Variants in SPRED2 observed in about 807,000 individuals in gnomAD.
SPRED2 encodes the protein sprouty related EVH1 domain containing 2, also known as sprouty-related, EVH1 domain-containing protein 2.
Under a neutral mutation model 43.0 loss-of-function variants are expected in SPRED2, and 47 were observed. That is an observed-to-expected ratio of 1.09 (90% CI 0.87 to 1.40). The LOEUF (loss-of-function observed/expected upper bound fraction) is 1.40, where lower values mean the gene tolerates loss of function less well. Among genes scored for constraint, SPRED2 ranks in the 40% most tolerant of loss-of-function variants. The probability of loss-of-function intolerance (pLI) is 0.00; values close to 1 mark genes in which losing one functional copy is unlikely to be tolerated. For synonymous variants in SPRED2, 225 were observed against 225.7 expected (o/e 1.00, Z 0.03); for missense variants, 561 against 586.4 (o/e 0.96, Z 0.45).
At chr2:65,397,828 A>G (rs992126586) in intron 1 of SPRED2, among the ~76,000 whole-genome samples, 14 of 152,236 alleles carry the variant, frequency 9.2e-5, no homozygotes, top group Admixed American at 4.6e-4. Flanking sequence ...GCAATCTACA[A>G]ATTCAATGCA....
chr2:65,430,751 A>C (rs1676661802), intron 1 of SPRED2, among the ~76,000 whole-genome samples: 2 of 152,028 alleles, frequency 1.3e-5, no homozygotes, highest in African/African-American at 4.8e-5. Context: ...CGCCGCCGCT[A>C]CCTTGGCTAA....
At chr2:65,322,266 C>CTATA (rs1558649699) in intron 4 of SPRED2, among the ~76,000 whole-genome samples, 11 of 44,546 alleles carry the variant, frequency 2.5e-4, no homozygotes, top group Non-Finnish European at 4.1e-4. Flanking sequence ...CTCTCTCTCT[C>CTATA]TCTCTATATA....
rs1572862877 is a variant in SPRED2 at position 65,353,151 on chromosome 2, G to T, written c.27-8255C>A. On this transcript the variant is annotated intron_variant, in intron 1 of 5. Transcript: ENST00000356388. ...GTCCTGCTTATGTGCAGGAGCCTCAGAGGGGGTATAAATAGGTTTTCCTTC... is the reference window on the plus strand; with the variant it reads ...GTCCTGCTTATGTGCAGGAGCCTCATAGGGGGTATAAATAGGTTTTCCTTC... 2.6e-5 allele frequency among the ~76,000 whole-genome samples: 4 copies of T among 152,266 alleles called. 1 individual carries two copies. The highest frequency in any genetic ancestry group is 2.6e-4 in the Admixed American group (4 of 15,300).
chr2:65,318,664 T>A (rs892384821), intron 4 of SPRED2, among the ~76,000 whole-genome samples: 6 of 152,036 alleles, frequency 3.9e-5, no homozygotes, highest in Non-Finnish European at 5.9e-5. Context: ...ATATATATAT[T>A]TTTAAATGTA....
At chr2:65,389,890 A>G (rs900567413) in intron 1 of SPRED2, among the ~76,000 whole-genome samples, 2 of 152,244 alleles carry the variant, frequency 1.3e-5, no homozygotes, top group African/African-American at 4.8e-5. Flanking sequence ...AATGGAAAGT[A>G]AAGCAAGTTT....
chr2:65,338,907 G>T (rs1415746480), intron 2 of SPRED2, among the ~76,000 whole-genome samples: 1 of 148,376 alleles, frequency 6.7e-6, no homozygotes, highest in Non-Finnish European at 1.5e-5. Context: ...GTCTCTGCCC[G>T]GCAGCCCATC....
intron 1 of SPRED2, among the ~76,000 whole-genome samples, chr2:65,355,480 G>A (rs907613015): frequency 6.6e-6 from 1 of 152,118 alleles, no homozygotes; most frequent in African/African-American, 2.4e-5. Flanking sequence ...ACTTTGGGGG[G>A]ACGAGGCAGG....
In SPRED2 at chr2:65,338,677, G is replaced by GC. The variant is rs952704664; in HGVS notation, c.205-3905dup. The stretch of plus-strand genomic sequence containing the variant: ...CTCCACCTCCCAGCCGCCTGCCTTG[G>GC]CCCCCCAAAGTGCGGAGATTGCAGC... On this transcript the variant is annotated intron_variant, in intron 2 of 5. Transcript: ENST00000356388. 6.6e-5 allele frequency among the ~76,000 whole-genome samples: 10 copies of GC among 151,480 alleles called. 1 individual carries two copies. Among genetic ancestry groups the GC allele is most frequent in the South Asian group, 6.3e-4 (3 of 4,756 alleles).
intron 2 of SPRED2, among the ~76,000 whole-genome samples, chr2:65,343,324 CT>C (rs1194443810): frequency 1.3e-5 from 2 of 152,196 alleles, no homozygotes; most frequent in Admixed American, 1.3e-4. Flanking sequence ...TTAAAATTAG[CT>C]GTCTTCTCCC....
chr2:65,392,198 G>A (rs62139159), intron 1 of SPRED2, among the ~76,000 whole-genome samples: 2 of 108,132 alleles, frequency 1.8e-5, no homozygotes, highest in African/African-American at 7.0e-5. Flanking sequence ...TTTTTTTTTG[G>A]AGACAGGGTC....
chr2:65,418,516 A>G (rs963198769), intron 1 of SPRED2, among the ~76,000 whole-genome samples: 9 of 152,026 alleles, frequency 5.9e-5, no homozygotes, highest in South Asian at 2.1e-4. Context: ...TGGCTGGTGC[A>G]GTGATAAATA....
At chr2:65,330,127 C>T (rs1368292611) in intron 4 of SPRED2, among the ~76,000 whole-genome samples, 1 of 152,234 alleles carries the variant, frequency 6.6e-6, no homozygotes, top group Non-Finnish European at 1.5e-5. Flanking sequence ...CTACTTTTCA[C>T]AGTCTGTAAG....
At chr2:65,350,219 G>C (rs576929815) in intron 1 of SPRED2, among the ~76,000 whole-genome samples, 1 of 152,184 alleles carries the variant, frequency 6.6e-6, no homozygotes, top group Non-Finnish European at 1.5e-5. Context: ...TAGTGGTGGG[G>C]GGATGGGGCA....
chr2:65,318,288 C>T (rs956827169), intron 4 of SPRED2, among the ~76,000 whole-genome samples: 1 of 152,068 alleles, frequency 6.6e-6, no homozygotes, highest in Non-Finnish European at 1.5e-5. Flanking sequence ...GAAAATTGCC[C>T]GGTCTCCGGT....
chr2:65,322,296 T>TATATA lies in SPRED2; in HGVS notation c.439-5414_439-5413insTATAT, dbSNP rs1558649902. On this transcript the variant is annotated intron_variant, in intron 4 of 5. Coordinates refer to ENST00000356388, the MANE Select transcript of SPRED2 (RefSeq NM_181784.3). ...TATATATATATATATATATATATATTTTTTTTTTTTTTTTTGAGACGGAGT... is the reference window on the plus strand; with the variant it reads ...TATATATATATATATATATATATATTATATATTTTTTTTTTTTTTTGAGACGGAGT... Among the ~76,000 whole-genome samples, 62 of 106,434 alleles carry TATATA rather than the reference T, an allele frequency of 5.8e-4. 3 individuals carry two copies. Among genetic ancestry groups the TATATA allele is most frequent in the African/African-American group, 2.6e-3 (58 of 22,164 alleles). The allele number at this position is 106,434 out of a possible 152,430, so 69.8% of individuals were successfully genotyped here.
intron 1 of SPRED2, 48 bp from the exon 2 acceptor site, chr2:65,344,944 G>C: frequency 6.5e-7 from 1 of 1,546,664 alleles, no homozygotes; most frequent in Admixed American, 1.8e-5. Flanking sequence ...TGGTCTGGTA[G>C]TTGCAGAACA....
intron 4 of SPRED2, among the ~76,000 whole-genome samples, chr2:65,328,439 G>C (rs1273971979): frequency 6.6e-6 from 1 of 152,210 alleles, no homozygotes; most frequent in Non-Finnish European, 1.5e-5. Context: ...GGACAGCAGA[G>C]TGTGGAACTG....
At chr2:65,345,962 T>C (rs1217475238) in intron 1 of SPRED2, among the ~76,000 whole-genome samples, 2 of 152,254 alleles carry the variant, frequency 1.3e-5, no homozygotes, top group Non-Finnish European at 2.9e-5. Context: ...TTTCTTTGGA[T>C]AGAATTCATT....
chr2:65,383,485 ATTAC>A (rs1014644814), intron 1 of SPRED2, among the ~76,000 whole-genome samples: 6 of 152,186 alleles, frequency 3.9e-5, no homozygotes, highest in African/African-American at 1.4e-4. Flanking sequence ...CTCTTCAGCT[ATTAC>A]TTTATGTCCT....
Sources: gnomAD v4.1 joint callset for allele counts (sites outside exome capture counted in the v4.1 genomes callset) on GRCh38, gnomAD v4.1.1 for gene constraint, MANE v1.5 for transcripts, NCBI Gene and HGNC (gene_info 2026-07-23, HGNC 2026-07-21) for gene names.